Variants in GPR155 observed in about 807,000 individuals in gnomAD.
GPR155 encodes the protein G protein-coupled receptor 155, also known as lysosomal cholesterol signaling protein.
Under a neutral mutation model 93.1 loss-of-function variants are expected in GPR155, and 65 were observed. The observed-to-expected ratio is 0.70, with a 90% CI of 0.57 to 0.86. The LOEUF (loss-of-function observed/expected upper bound fraction) is 0.86. GPR155 is among the 40% of genes least tolerant of loss of function. The pLI is 0.00. For missense variants in GPR155, 838 were observed against 1,034.8 expected, an observed-to-expected ratio of 0.81 and a Z score of 2.61; for synonymous variants, 319 against 360.1, an observed-to-expected ratio of 0.89 and a Z score of 1.29.
At position 174,449,524 on chromosome 2, in the gene GPR155, T is replaced by C. The variant is rs573374808; in HGVS notation, c.1877-2777A>G. ...GGATAAAGAAAATGTGCTACATATA[T>C]ACCATGGAATACTATGTAGCCATAA... On this transcript the variant is annotated intron_variant, in intron 11 of 15. Transcript: ENST00000392552. 9.2e-5 allele frequency among the ~76,000 whole-genome samples: 14 copies of C among 152,288 alleles called. No homozygotes were observed. In the South Asian group the frequency reaches 2.7e-3, roughly 29 times the overall value.
intron 7 of GPR155, among the ~76,000 whole-genome samples, chr2:174,465,454 C>T (rs1341019459): frequency 1.3e-5 from 2 of 152,344 alleles, no homozygotes; most frequent in Admixed American, 6.5e-5. Context: ...ACACACCTCA[C>T]GCATCTTTCC....
intron 1 of GPR155, among the ~76,000 whole-genome samples, chr2:174,485,361 T>C (rs1335306573): frequency 6.6e-6 from 1 of 150,512 alleles, no homozygotes; most frequent in Non-Finnish European, 1.5e-5. Context: ...CTCTGGGAGG[T>C]CGAGGCGGGC....
intron 9 of GPR155, 75 bp downstream of exon 9, chr2:174,461,327 A>G (rs1431332168): frequency 3.4e-5 from 28 of 834,760 alleles, no homozygotes; most frequent in Non-Finnish European, 4.6e-5. Context: ...TAATTTTAAT[A>G]TAAGTCTAGC....
chr2:174,460,153 C>T (rs1246822071), intron 9 of GPR155, 65 bp from the exon 10 acceptor site: 49 of 557,974 alleles, frequency 8.8e-5, no homozygotes, highest in South Asian at 1.6e-4. Flanking sequence ...TCTTAGGGCA[C>T]ATTTTTTTTT....
At chr2:174,459,833 A>C (rs763483987) in intron 10 of GPR155, 45 bp downstream of exon 10, 1 of 1,424,766 alleles carries the variant, frequency 7.0e-7, no homozygotes, top group South Asian at 1.2e-5. Context: ...TGATAGAGCA[A>C]GATTCTGTCT....
chr2:174,445,278 G>C, intron 12 of GPR155, 102 bp from the exon 13 acceptor site: 1 of 633,148 alleles, frequency 1.6e-6, no homozygotes, highest in Non-Finnish European at 2.8e-6. Flanking sequence ...TAATTACAGG[G>C]AAAAAGACTA....
intron 13 of GPR155, among the ~76,000 whole-genome samples, chr2:174,442,573 C>CT (rs1277062885): frequency 6.6e-6 from 1 of 152,164 alleles, no homozygotes; most frequent in Non-Finnish European, 1.5e-5. Context: ...GTTGCAGTAT[C>CT]TAATAATAAT....
At chr2:174,448,242 G>A (rs1687200213) in intron 11 of GPR155, among the ~76,000 whole-genome samples, 1 of 152,136 alleles carries the variant, frequency 6.6e-6, no homozygotes. Context: ...CAGGCATGGT[G>A]GCGGCCGCCT....
Position 174,442,287 on chromosome 2 carries a change from A to G in GPR155, c.2110-104T>C, listed in dbSNP as rs140033461. On this transcript the variant is annotated intron_variant, in intron 13 of 15. Transcript: ENST00000392552. ...ATTTAGTGTTTGAGGAGACAAACCT[A>G]TAGTGACAAGAGCAACATTTTAAGT... 89 of 672,896 alleles carry G rather than the reference A, an allele frequency of 1.3e-4. No homozygotes were observed. The East Asian group carries it at 2.0e-3, about 15-fold the overall frequency. The allele number at this position is 672,896 out of a possible 1,614,324, so 41.7% of individuals were successfully genotyped here.
At chr2:174,474,973 A>G (rs939869668) in intron 2 of GPR155, among the ~76,000 whole-genome samples, 3 of 152,150 alleles carry the variant, frequency 2.0e-5, no homozygotes, top group Admixed American at 6.6e-5. Context: ...GTTCACAAGG[A>G]GAGAGGCAAA....
At chr2:174,459,777 G>A (rs946843530) in intron 10 of GPR155, 101 bp downstream of exon 10, 8 of 780,482 alleles carry the variant, frequency 1.0e-5, no homozygotes, top group African/African-American at 3.5e-5. Flanking sequence ...CACAGGAGGC[G>A]GAGGTTGCAG....
intron 11 of GPR155, among the ~76,000 whole-genome samples, chr2:174,451,328 T>A (rs982217225): frequency 1.1e-3 from 28 of 25,004 alleles, no homozygotes; most frequent in Non-Finnish European, 3.8e-3. Flanking sequence ...AAAAAAAAAT[T>A]TTTTATACAG....
chr2:174,446,583 C>T (rs1687137771), intron 12 of GPR155, 28 bp downstream of exon 12: 2 of 1,583,108 alleles, frequency 1.3e-6, no homozygotes, highest in East Asian at 2.3e-5. Context: ...AGAAATGGCC[C>T]CAAAACAAAA....
rs1300608704 is a variant in GPR155, at chr2:174,431,784, A to G, written c.*4332T>C. On this transcript the variant is annotated 3_prime_UTR_variant, in exon 16 of 16. Coordinates refer to ENST00000392552, the MANE Select transcript of GPR155 (RefSeq NM_152529.7). Reference sequence around the variant, plus strand: ...ACTAAGAGCCGCATTCTGCTGCGTAACAAACATATAAAACACTAGTTTCAC... The same window carrying G: ...ACTAAGAGCCGCATTCTGCTGCGTAGCAAACATATAAAACACTAGTTTCAC... 1 of 152,206 alleles carries G rather than the reference A, an allele frequency of 6.6e-6. No individual in the cohort carries two copies. The highest frequency in any genetic ancestry group is 6.5e-5 in the Admixed American group (1 of 15,270). 9.4% of individuals were successfully genotyped at this position (152,206 alleles called of 1,614,324 possible).
intron 2 of GPR155, among the ~76,000 whole-genome samples, chr2:174,475,294 C>CAAAAAAAAAA (rs71024809): frequency 5.8e-4 from 37 of 64,310 alleles, no homozygotes; most frequent in African/African-American, 1.5e-3. Context: ...GACTCCGTCT[C>CAAAAAAAAAA]AAAAAAAAAA....
chr2:174,460,016 T>C lies in GPR155; in HGVS notation c.1633A>G (p.Thr545Ala). ...CCTTCATAGCTTCCTGCTTGGGCAGTCTGGTTCATGCACATGAGGGATATG... is the reference window on the plus strand; with the variant it reads ...CCTTCATAGCTTCCTGCTTGGGCAGCCTGGTTCATGCACATGAGGGATATG... ...AGISLMCMNQ[T>A]AQAGSYEGFD... The change falls in exon 10 of 16, where the codon ACT (threonine) becomes GCT (alanine). Residue 545 changes from threonine to alanine, a missense_variant. This residue lies in a region of GPR155 where 663 missense variants were observed against 790.1 expected (regional missense o/e 0.84). Transcript: ENST00000392552. The C allele has an allele frequency of 3.1e-6, 5 of 1,614,080 alleles. No individual in the cohort carries two copies.
chr2:174,484,795 G>A (rs756434962), intron 1 of GPR155, among the ~76,000 whole-genome samples: 2 of 152,108 alleles, frequency 1.3e-5, no homozygotes, highest in Admixed American at 6.5e-5. Flanking sequence ...TTAGTCATGC[G>A]TGCCTGTTGT....
chr2:174,464,728 G>A (rs147015848), intron 7 of GPR155, among the ~76,000 whole-genome samples: 164 of 152,026 alleles, frequency 1.1e-3, no homozygotes, highest in African/African-American at 3.5e-3. Flanking sequence ...GAAATATAAA[G>A]TCTTTAGGCT....
chr2:174,471,891 C>T lies in GPR155; in HGVS notation c.860+1074G>A, dbSNP rs780577379. ...ACTTTGTTTCTGAAGAGCATAACAT[C>T]GCCATAAATAATTTTCAGTACTTAT... On this transcript the variant is annotated intron_variant, in intron 3 of 15. Coordinates refer to ENST00000392552, the MANE Select transcript of GPR155 (RefSeq NM_152529.7). Among the ~76,000 whole-genome samples the T allele has an allele frequency of 7.2e-5, 11 of 152,098 alleles. 1 individual carries two copies. Among genetic ancestry groups the T allele is most frequent in the South Asian group, 6.2e-4 (3 of 4,828 alleles).
Sources: allele counts gnomAD v4.1 joint callset (sites outside exome capture counted in the v4.1 genomes callset), GRCh38; gene constraint gnomAD v4.1.1; regional missense constraint gnomAD v4.1.1; transcripts MANE v1.5; gene names NCBI Gene and HGNC (gene_info 2026-07-23, HGNC 2026-07-21).